PIGO: variants seen among roughly 807,000 people sequenced by gnomAD.
PIGO encodes the protein GPI ethanolamine phosphate transferase 3, catalytic subunit.
Under a neutral mutation model 86.9 loss-of-function variants are expected in PIGO, and 66 were observed. The observed-to-expected ratio is 0.76, with a 90% CI of 0.62 to 0.93. The LOEUF (loss-of-function observed/expected upper bound fraction) is 0.93. Among genes scored for constraint, PIGO ranks in the 40% least tolerant of loss-of-function variants. The pLI is 0.00. For synonymous variants in PIGO, 570 were observed against 556.4 expected, an observed-to-expected ratio of 1.02 and a Z score of -0.34; for missense variants, 1,202 against 1,359.1, an observed-to-expected ratio of 0.88 and a Z score of 1.82.
At position 35,091,612 on chromosome 9, in the gene PIGO, G is replaced by C. The variant is rs777909908; in HGVS notation, c.2275C>G (p.Leu759Val). Reference protein sequence around the residue: ...GLAASGLALLLWKPVTVLVKA... With the variant: ...GLAASGLALLVWKPVTVLVKA... ...ACCAGCACTGTCACAGGCTTCCAGA[G>C]CAGCAGCGCGAGCCCTGAAGCAGCC... Residue 759 changes from leucine to valine, a missense_variant, in exon 7 of 11, where the codon CTC becomes GTC. Leu to Val is a conservative substitution (Grantham distance 32). Transcript: ENST00000378617. 1 of 1,613,692 alleles carries C rather than the reference G, an allele frequency of 6.2e-7. No homozygotes were observed. The highest frequency in any genetic ancestry group is 8.5e-7 in the Non-Finnish European group (1 of 1,180,030).
rs746967719 is a variant in PIGO at position 35,091,452 on chromosome 9, A to G, written c.2435T>C (p.Leu812Ser). 16 of 1,601,564 alleles carry G rather than the reference A, an allele frequency of 1.0e-5. No individual in the cohort carries two copies. Among genetic ancestry groups the G allele is most frequent in the Non-Finnish European group, 1.3e-5 (15 of 1,169,700 alleles). The part of the protein sequence containing the change: ...RHMQEEFRGR[L>S]ERTKSQGPLT... The stretch of plus-strand genomic sequence containing the variant: ...GGGACCCTGAGATTTGGTCCTCTCT[A>G]ACCGGCCCCGGAACTCCTCCTGCAT... The change falls in exon 7 of 11, where the codon TTA becomes TCA. Residue 812 changes from leucine (L) to serine (S), a missense_variant. Coordinates refer to ENST00000378617, the MANE Select transcript of PIGO (RefSeq NM_032634.4).
Position 35,092,692 on chromosome 9 carries a change from G to C in PIGO, c.1195C>G (p.Leu399Val). 2 of 1,614,136 alleles carry C rather than the reference G, an allele frequency of 1.2e-6. No homozygotes were observed. Among genetic ancestry groups the C allele is most frequent in the African/African-American group, 2.7e-5 (2 of 75,076 alleles). The stretch of plus-strand genomic sequence containing the variant: ...TAGTCAGCAGAGGCCTTGGAGAAGA[G>C]GTTCTGCAGCTGATGAAGCTCCTTA... ...QAKELHQLQN[L>V]FSKASADYQW... is the part of the protein sequence containing the mutation. Residue 399 changes from leucine (L) to valine (V), a missense_variant, in exon 7 of 11, where the codon CTC becomes GTC. Leu to Val is a conservative substitution (Grantham distance 32, BLOSUM62 1). Transcript: ENST00000378617.
At chr9:35,093,695 C>T (rs1829541847) in intron 4 of PIGO, 115 bp from the exon 5 acceptor site, 2 of 1,427,276 alleles carry the variant, frequency 1.4e-6, no homozygotes, top group Admixed American at 5.3e-5. Flanking sequence ...TTAGTAAGGC[C>T]TAGACCTTTG....
chr9:35,094,460 T>G, intron 2 of PIGO, 101 bp from the exon 3 acceptor site: 1 of 1,365,972 alleles, frequency 7.3e-7, no homozygotes, highest in Non-Finnish European at 1.0e-6. Flanking sequence ...GTCCCAACCA[T>G]GCAACCTAAA....
chr9:35,093,541 T>A lies in PIGO; in HGVS notation c.819A>T (p.Val273=), dbSNP rs771481937. Residue 273 remains valine, a synonymous_variant, in exon 5 of 11, where the codon GTA becomes GTT. Coordinates refer to ENST00000378617, the MANE Select transcript of PIGO (RefSeq NM_032634.4). ...TGGTCATCCCATGGTCCCCAGCCAC[T>A]ACCAGCAGTGTGTCATTCTCCAGAC... ...VERLENDTLL[V]VAGDHGMTTN... The A allele has an allele frequency of 1.9e-6, 3 of 1,613,970 alleles. No individual in the cohort carries two copies. The highest frequency in any genetic ancestry group is 2.5e-6 in the Non-Finnish European group (3 of 1,179,950).
In PIGO at chr9:35,093,421, C is replaced by T; in HGVS notation, c.939G>A (p.Glu313=). ...PTAVFPSTPP[E]EPEVIPQVSL... ...AGATGAGGAACATCCCAGGCCTCACCTCTGGTGGGGTGCTGGGGAAGACTG... is the reference window on the plus strand; with the variant it reads ...AGATGAGGAACATCCCAGGCCTCACTTCTGGTGGGGTGCTGGGGAAGACTG... Residue 313 remains glutamate, a splice_region_variant and synonymous_variant, in exon 5 of 11, where the codon GAG becomes GAA. Transcript: ENST00000378617. 1 of 1,614,130 alleles carries T rather than the reference C, an allele frequency of 6.2e-7. No homozygotes were observed. The highest frequency in any genetic ancestry group is 8.5e-7 in the Non-Finnish European group (1 of 1,179,996).
Position 35,091,711 on chromosome 9 carries a change from C to G in PIGO, c.2176G>C (p.Asp726His), listed in dbSNP as rs1306054354. The change falls in exon 7 of 11, where the codon GAT becomes CAT. Residue 726 changes from aspartate to histidine, a missense_variant. Transcript: ENST00000378617. ...ACCCGGAGACGGGGGGGAGCCTCAT[C>G]TGCCCCCGACGCCAATGCCCAGTAG... ...AAYWALASGA[D>H]EAPPRLRVLV... The G allele has an allele frequency of 6.2e-7, 1 of 1,612,116 alleles. No homozygotes were observed. Among genetic ancestry groups the G allele is most frequent in the Non-Finnish European group, 8.5e-7 (1 of 1,180,038 alleles).
At position 35,095,685 on chromosome 9, in the gene PIGO, C is replaced by G. The variant is rs1405047135; in HGVS notation, c.-1-119G>C. The G allele has an allele frequency of 2.4e-6, 3 of 1,262,132 alleles. No homozygotes were observed. In the African/African-American group the frequency reaches 4.5e-5, roughly 19 times the overall value. 78.2% of individuals were successfully genotyped at this position (1,262,132 alleles called of 1,614,324 possible). On this transcript the variant is annotated intron_variant, in intron 1 of 10. Coordinates refer to ENST00000378617, the MANE Select transcript of PIGO (RefSeq NM_032634.4). ...TCCCGGAAACCTTCCTGGAGATAAA[C>G]CATTTCACAGCCAACCCCTCGCAAT...
chr9:35,092,878 T>C lies in PIGO; in HGVS notation c.1120-111A>G, dbSNP rs76364234. On this transcript the variant is annotated intron_variant, in intron 6 of 10. Transcript: ENST00000378617. Reference sequence around the variant, plus strand: ...GTACCTGGAAGTCAAGGACCCAAACTCTGTCCAGAATCGGGGAAGGGAGGG... The same window carrying C: ...GTACCTGGAAGTCAAGGACCCAAACCCTGTCCAGAATCGGGGAAGGGAGGG... The C allele has an allele frequency of 0.051, 70,183 of 1,382,114 alleles. 2,162 individuals are homozygous for C. The highest frequency in any genetic ancestry group is 0.061 in the Non-Finnish European group (61,900 of 1,022,216). 85.6% of individuals were successfully genotyped at this position (1,382,114 alleles called of 1,614,324 possible).
Position 35,088,949 on chromosome 9 carries a change from G to C in PIGO, c.*143C>G, listed in dbSNP as rs1033158972. 10 of 1,125,050 alleles carry C rather than the reference G, an allele frequency of 8.9e-6. No homozygotes were observed. The African/African-American group carries it at 1.6e-4, about 18-fold the overall frequency. The allele number at this position is 1,125,050 out of a possible 1,614,324, so 69.7% of individuals were successfully genotyped here. ...TGGTCCTGAATTATAGAATAATGAA[G>C]TCCTAGATGTCAGCGGCCCCTGGCT... On this transcript the variant is annotated 3_prime_UTR_variant, in exon 11 of 11. Coordinates refer to ENST00000378617, the MANE Select transcript of PIGO (RefSeq NM_032634.4).
Position 35,093,229 on chromosome 9 carries a change from G to A in PIGO, c.940-20C>T. ...TGGCTCCTAAAGGAAAATGACAGTG[G>A]TCAACAGATTCATCACAAAGCTGAA... On this transcript the variant is annotated intron_variant, in intron 5 of 10. Transcript: ENST00000378617. 2 of 1,599,994 alleles carry A rather than the reference G, an allele frequency of 1.3e-6. No individual in the cohort carries two copies. Among genetic ancestry groups the A allele is most frequent in the South Asian group, 1.1e-5 (1 of 90,322 alleles).
chr9:35,093,162 C>G lies in PIGO; in HGVS notation c.987G>C (p.Leu329=), dbSNP rs1411251907. The stretch of plus-strand genomic sequence containing the variant: ...CAAATGGGATGGGCAGGCCCAGCAG[C>G]AGGGCCAGCGTGGGCACAAGGCTAA... ...PQVSLVPTLA[L]LLGLPIPFGN... The change falls in exon 6 of 11, where the codon CTG becomes CTC. Residue 329 remains leucine (L), a synonymous_variant. Transcript: ENST00000378617. 3 of 1,614,042 alleles carry G rather than the reference C, an allele frequency of 1.9e-6. No homozygotes were observed. Among genetic ancestry groups the G allele is most frequent in the Non-Finnish European group, 2.5e-6 (3 of 1,179,994 alleles).
At chr9:35,091,023 T>A in intron 7 of PIGO, 3 of 604,010 alleles carry the variant, frequency 5.0e-6, no homozygotes, top group Non-Finnish European at 8.6e-6. Flanking sequence ...GGACTCCTTG[T>A]CTCTCCTCTC....
intron 4 of PIGO, 74 bp downstream of exon 4, chr9:35,093,827 G>C: frequency 1.3e-6 from 2 of 1,571,562 alleles, no homozygotes; most frequent in South Asian, 2.4e-5. Context: ...AGCCAGGAAA[G>C]AAGCTCTAAG....
chr9:35,090,024 A>G, intron 9 of PIGO, 42 bp downstream of exon 9: 1 of 1,584,978 alleles, frequency 6.3e-7, no homozygotes, highest in Non-Finnish European at 8.6e-7. Context: ...ATGCACACAC[A>G]GAGAAAAAAC....
chr9:35,092,986 C>G, intron 6 of PIGO, 44 bp downstream of exon 6: 1 of 1,567,542 alleles, frequency 6.4e-7, no homozygotes, highest in Non-Finnish European at 8.7e-7. Context: ...TTCTTTCATG[C>G]CCACCCTAGC....
Position 35,092,387 on chromosome 9 carries a change from G to T in PIGO, c.1500C>A (p.Leu500=). 3.1e-6 allele frequency: 5 copies of T among 1,614,240 alleles called. No homozygotes were observed. The highest frequency in any genetic ancestry group is 4.2e-6 in the Non-Finnish European group (5 of 1,180,038). Residue 500 remains leucine, a synonymous_variant, in exon 7 of 11, where the codon CTC becomes CTA. Transcript: ENST00000378617. The part of the protein sequence containing the change: ...GLVGAIAYAG[L]LGTIELKLDL... The stretch of plus-strand genomic sequence containing the variant: ...CTAGCTTCAGCTCAATAGTTCCCAG[G>T]AGTCCAGCATACGCTATGGCCCCAA...
rs1829433446 is a variant in PIGO at position 35,091,786 on chromosome 9, T to C, written c.2101A>G (p.Met701Val). The change falls in exon 7 of 11, where the codon ATG becomes GTG. Residue 701 changes from methionine (M) to valine (V), a missense_variant. By Grantham distance (21) the Met-to-Val change is conservative. Coordinates refer to ENST00000378617, the MANE Select transcript of PIGO (RefSeq NM_032634.4). ...GGCAGTCCCCAGCGCACAAAGAGCA[T>C]GGGTGGCTCGGGGCTCTTGAGATTA... ...YGNLKSPEPPMLFVRWGLPLM... is the reference protein window; with the variant it reads ...YGNLKSPEPPVLFVRWGLPLM... The C allele has an allele frequency of 1.2e-6, 2 of 1,612,878 alleles. No individual in the cohort carries two copies. Among genetic ancestry groups the C allele is most frequent in the Non-Finnish European group, 1.7e-6 (2 of 1,180,030 alleles).
In PIGO at chr9:35,091,228, T is replaced by G. The variant is rs765544018; in HGVS notation, c.2647+12A>C. ...CTATTGTCTTTAAGTGAATCAGAGC[T>G]GAGATATTTACCAGGGGTGGTGACG... is the stretch of plus-strand genomic sequence containing the variant. On this transcript the variant is annotated intron_variant, in intron 7 of 10. Coordinates refer to ENST00000378617, the MANE Select transcript of PIGO (RefSeq NM_032634.4). 22 of 1,573,202 alleles carry G rather than the reference T, an allele frequency of 1.4e-5. No individual in the cohort carries two copies. Among genetic ancestry groups the G allele is most frequent in the Admixed American group, 1.3e-4 (7 of 55,814 alleles).
Sources: allele counts gnomAD v4.1 joint callset, GRCh38; gene constraint gnomAD v4.1.1; transcripts MANE v1.5; gene names NCBI Gene and HGNC (gene_info 2026-07-23, HGNC 2026-07-21).